The following UBN2 variants were observed in gnomAD, a reference collection of about 807,000 sequenced individuals.
UBN2 encodes ubinuclein-2.
Under a neutral mutation model 120.2 loss-of-function variants are expected in UBN2, and 35 were observed. That is an observed-to-expected ratio of 0.29 (90% CI 0.22 to 0.39). The LOEUF is 0.39. Ranked by LOEUF, UBN2 falls within the 10% of genes least tolerant of loss-of-function variation. UBN2 has a pLI of 1.00. For synonymous variants in UBN2, 661 were observed against 648.7 expected (o/e 1.02, Z -0.29); for missense variants, 1,693 against 1,663.2 (o/e 1.02, Z -0.31).
chr7:139,236,384 A>G (rs892334286), intron 1 of UBN2, among the ~76,000 whole-genome samples: 21 of 152,152 alleles, frequency 1.4e-4, no homozygotes, highest in African/African-American at 4.8e-4. Context: ...ATGGTTGTTG[A>G]TATTGGACCT....
At chr7:139,253,834 AC>A (rs1796685102) in intron 3 of UBN2, among the ~76,000 whole-genome samples, 1 of 152,228 alleles carries the variant, frequency 6.6e-6, no homozygotes, top group Non-Finnish European at 1.5e-5. Context: ...ACAGAAGGTG[AC>A]ACTAGGTGAC....
rs1457142625 is a variant in UBN2 at position 139,300,524 on chromosome 7, C to T, written c.*2688C>T. 6.6e-6 allele frequency: 1 copy of T among 152,116 alleles called. No individual in the cohort carries two copies. The highest frequency in any genetic ancestry group is 1.5e-5 in the Non-Finnish European group (1 of 68,018). The allele number at this position is 152,116 out of a possible 1,614,324, so 9.4% of individuals were successfully genotyped here. A position where few individuals can be genotyped will look rare whatever the true frequency, so the allele number is the denominator to read the frequency against. On this transcript the variant is annotated 3_prime_UTR_variant, in exon 18 of 18. Coordinates refer to ENST00000473989, the MANE Select transcript of UBN2 (RefSeq NM_173569.4). ...TTAGCACAGAGACTTGTGACTCATA[C>T]TGTATTTTTGCACTTAAAAATCAAA...
intron 15 of UBN2, among the ~76,000 whole-genome samples, chr7:139,286,831 C>T (rs1356418459): frequency 1.3e-5 from 2 of 152,126 alleles, no homozygotes; most frequent in South Asian, 2.1e-4. Context: ...AGGTTTCCTG[C>T]TGTTCAATAT....
At chr7:139,232,695 A>T (rs781568646) in intron 1 of UBN2, among the ~76,000 whole-genome samples, 1 of 152,184 alleles carries the variant, frequency 6.6e-6, no homozygotes, top group Non-Finnish European at 1.5e-5. Context: ...CCTACCCGTC[A>T]TATTATTTAA....
intron 2 of UBN2, among the ~76,000 whole-genome samples, chr7:139,243,485 C>T (rs1796377193): frequency 6.6e-6 from 1 of 152,132 alleles, no homozygotes; most frequent in Non-Finnish European, 1.5e-5. Flanking sequence ...TAGTATAATC[C>T]TTTGCCAATG....
intron 6 of UBN2, among the ~76,000 whole-genome samples, chr7:139,262,554 T>C (rs1055595178): frequency 2.6e-5 from 4 of 151,386 alleles, no homozygotes; most frequent in Admixed American, 2.6e-4. Flanking sequence ...CTACTAAAAA[T>C]ACAAAAAAAA....
chr7:139,289,414 CTTTTT>C (rs1161484759), intron 15 of UBN2, among the ~76,000 whole-genome samples: 1 of 125,836 alleles, frequency 7.9e-6, no homozygotes, highest in Admixed American at 9.0e-5. Flanking sequence ...TTACATTTTG[CTTTTT>C]TTTTTTTTTT....
chr7:139,284,272 T>C lies in UBN2; in HGVS notation c.3367T>C (p.Ser1123Pro). The C allele has an allele frequency of 6.2e-7, 1 of 1,613,984 alleles. No homozygotes were observed. Among genetic ancestry groups the C allele is most frequent in the East Asian group, 2.2e-5 (1 of 44,876 alleles). Residue 1123 changes from serine (S) to proline (P), a missense_variant, in exon 15 of 18, where the codon TCT (serine) becomes CCT (proline). By Grantham distance (74) the Ser-to-Pro change is moderately conservative. This residue lies in a region of UBN2 where 837 missense variants were observed against 817.6 expected (regional missense o/e 1.02). Transcript: ENST00000473989. ...QPSGMNISRQ[S>P]PTLNLLPSSR... ...CAGTGGAATGAACATCAGCAGACAG[T>C]CTCCCACCTTGAATTTATTGCCCTC...
intron 1 of UBN2, among the ~76,000 whole-genome samples, chr7:139,232,376 C>G (rs1394130516): frequency 6.6e-6 from 1 of 152,270 alleles, no homozygotes; most frequent in East Asian, 1.9e-4. Flanking sequence ...GCCCCCCAGT[C>G]TGAAGCAGAG....
chr7:139,271,970 A>T (rs1296282905), intron 8 of UBN2, among the ~76,000 whole-genome samples: 1 of 152,210 alleles, frequency 6.6e-6, no homozygotes, highest in Non-Finnish European at 1.5e-5. Context: ...CACAATGGAA[A>T]TTAACCAGTA....
At chr7:139,272,494 T>TTTATGTATG (rs1554474295) in intron 9 of UBN2, 54 bp downstream of exon 9, 10 of 1,104,974 alleles carry the variant, frequency 9.0e-6, no homozygotes, top group Non-Finnish European at 1.2e-5. Context: ...TGTATGTACG[T>TTTATGTATG]TATGTATGTA....
Position 139,251,946 on chromosome 7 carries a change from T to C in UBN2, c.562-10T>C. 6.2e-7 allele frequency: 1 copy of C among 1,612,414 alleles called. No individual in the cohort carries two copies. The highest frequency in any genetic ancestry group is 8.5e-7 in the Non-Finnish European group (1 of 1,178,382). On this transcript the variant is annotated splice_polypyrimidine_tract_variant and intron_variant, in intron 2 of 17. Transcript: ENST00000473989. ...GTACCAAATCAGTCTAATGTATCTG[T>C]TCTTTGCAGGGTGGGAAACCCCGTA...
chr7:139,240,790 C>A (rs1358137321), intron 2 of UBN2, among the ~76,000 whole-genome samples: 1 of 152,132 alleles, frequency 6.6e-6, no homozygotes, highest in Non-Finnish European at 1.5e-5. Context: ...TGTGACAGTT[C>A]ATATTCAGCA....
At chr7:139,269,827 T>TA (rs925052319) in intron 8 of UBN2, among the ~76,000 whole-genome samples, 1 of 152,112 alleles carries the variant, frequency 6.6e-6, no homozygotes, top group African/African-American at 2.4e-5. Context: ...TTCCTTTTGA[T>TA]ACGGGGTCTT....
intron 7 of UBN2, among the ~76,000 whole-genome samples, chr7:139,267,524 A>C (rs1797134331): frequency 6.6e-6 from 1 of 150,580 alleles, no homozygotes; most frequent in Admixed American, 6.6e-5. Context: ...TGATAGGGTG[A>C]GACTCTGTCT....
At chr7:139,293,091 T>TG (rs1486095519) in intron 15 of UBN2, 141 bp from the exon 16 acceptor site, 6 of 664,490 alleles carry the variant, frequency 9.0e-6, no homozygotes, top group Non-Finnish European at 1.6e-5. Flanking sequence ...GAACCTACCG[T>TG]GGTAATGAAG....
chr7:139,321,982 C>T, the UBN2 span, among the ~76,000 whole-genome samples: 1 of 146,670 alleles, frequency 6.8e-6, no homozygotes, highest in East Asian at 2.0e-4. Context: ...GAAAAAGAGA[C>T]TTTTTTTTTT....
chr7:139,247,411 A>T (rs1047125244), intron 2 of UBN2, among the ~76,000 whole-genome samples: 1 of 152,172 alleles, frequency 6.6e-6, no homozygotes, highest in Non-Finnish European at 1.5e-5. Flanking sequence ...GCTTTATTAG[A>T]GTTTAAGGTG....
At chr7:139,273,527 G>A in intron 10 of UBN2, 117 bp downstream of exon 10, 1 of 668,078 alleles carries the variant, frequency 1.5e-6, no homozygotes, top group South Asian at 3.4e-5. Flanking sequence ...TTAGTGTGTA[G>A]GAAAAAATTA....
Sources: allele counts gnomAD v4.1 joint callset (sites outside exome capture counted in the v4.1 genomes callset), GRCh38; gene constraint gnomAD v4.1.1; regional missense constraint gnomAD v4.1.1; transcripts MANE v1.5; gene names NCBI Gene and HGNC (gene_info 2026-07-23, HGNC 2026-07-21).